MYRIP: variants seen among roughly 807,000 people sequenced by gnomAD.
MYRIP encodes rab effector MyRIP.
MYRIP carries 49 observed loss-of-function variants against 98.0 expected under a neutral mutation model. The ratio of observed to expected loss-of-function variants is 0.50; its 90% CI spans 0.40 to 0.63. The LOEUF (loss-of-function observed/expected upper bound fraction) is 0.63. Among genes scored for constraint, MYRIP ranks in the 30% least tolerant of loss-of-function variants. MYRIP has a pLI of 0.00. For missense variants in MYRIP, 1,004 were observed against 1,058.2 expected, an observed-to-expected ratio of 0.95 and a Z score of 0.71; for synonymous variants, 404 against 409.5, an observed-to-expected ratio of 0.99 and a Z score of 0.16.
At chr3:40,032,609 A>C (rs577701553) in intron 2 of MYRIP, among the ~76,000 whole-genome samples, 59 of 152,198 alleles carry the variant, frequency 3.9e-4, no homozygotes, top group African/African-American at 1.3e-3. Flanking sequence ...AGTCCAGGAC[A>C]AAATGGATTC....
At position 39,932,182 on chromosome 3, in the gene MYRIP, T is replaced by C. The variant is rs368806284; in HGVS notation, c.110+31256T>C. Among the ~76,000 whole-genome samples, 12 of 152,190 alleles carry C rather than the reference T, an allele frequency of 7.9e-5. No homozygotes were observed. In the East Asian group the frequency reaches 2.3e-3, roughly 29 times the overall value. Reference sequence around the variant, plus strand: ...TATCACAAGATAGGACTGTGGTTTCTAGCCCTGGAAGAACCATTCCAAAAC... The same window carrying C: ...TATCACAAGATAGGACTGTGGTTTCCAGCCCTGGAAGAACCATTCCAAAAC... On this transcript the variant is annotated intron_variant, in intron 2 of 16. Coordinates refer to ENST00000302541, the MANE Select transcript of MYRIP (RefSeq NM_015460.4).
At chr3:40,208,956 G>C (rs1261510026) in intron 10 of MYRIP, 1 of 152,190 alleles carries the variant, frequency 6.6e-6, no homozygotes, top group Non-Finnish European at 1.5e-5. Flanking sequence ...TCTTATGTTA[G>C]ATAGCACAGT....
intron 8 of MYRIP, chr3:40,174,793 C>A (rs1950712794): frequency 6.6e-6 from 1 of 152,214 alleles, no homozygotes; most frequent in African/African-American, 2.4e-5. Context: ...TCATAGATAA[C>A]CATTTTTAGC....
chr3:39,842,441 C>A (rs1225068877), intron 1 of MYRIP, among the ~76,000 whole-genome samples: 1 of 152,158 alleles, frequency 6.6e-6, no homozygotes, highest in African/African-American at 2.4e-5. Context: ...GGCTCCCTGG[C>A]TTCAGCCCCC....
At chr3:40,133,029 C>T (rs1949679617) in intron 3 of MYRIP, among the ~76,000 whole-genome samples, 1 of 152,216 alleles carries the variant, frequency 6.6e-6, no homozygotes, top group African/African-American at 2.4e-5. Context: ...GACATGTGGT[C>T]AGAGATCTCT....
intron 3 of MYRIP, among the ~76,000 whole-genome samples, chr3:40,076,620 G>C (rs1389536434): frequency 6.6e-6 from 1 of 152,188 alleles, no homozygotes; most frequent in East Asian, 1.9e-4. Flanking sequence ...ACCACCTTCT[G>C]TACAAAGGGC....
At chr3:40,058,862 C>G (rs978637253) in intron 3 of MYRIP, among the ~76,000 whole-genome samples, 1 of 152,030 alleles carries the variant, frequency 6.6e-6, no homozygotes, top group Non-Finnish European at 1.5e-5. Context: ...TATATATGTG[C>G]CATGGTGGTT....
At chr3:40,038,901 C>T (rs1483034074) in intron 2 of MYRIP, among the ~76,000 whole-genome samples, 1 of 152,078 alleles carries the variant, frequency 6.6e-6, no homozygotes, top group African/African-American at 2.4e-5. Context: ...TAATTTTCCT[C>T]TAACCAGCCA....
intron 10 of MYRIP, among the ~76,000 whole-genome samples, chr3:40,193,860 G>C (rs2679817): frequency 2.0e-5 from 3 of 151,974 alleles, no homozygotes; most frequent in Non-Finnish European, 4.4e-5. Flanking sequence ...CATCCATCCC[G>C]CTAGCCTTGA....
chr3:40,189,990 G>A lies in MYRIP; in HGVS notation c.1192G>A (p.Glu398Lys), dbSNP rs554979025. Residue 398 changes from glutamate (E) to lysine (K), a missense_variant, in exon 10 of 17, where the codon GAG becomes AAG. By Grantham distance (56) the Glu-to-Lys change is moderately conservative. This residue lies in a region of MYRIP where 880 missense variants were observed against 907.7 expected (regional missense o/e 0.97). Transcript: ENST00000302541. ...CTACGATGAGATGGGCTCCGATAGC[G>A]AGGAAGACTTTGACTGGAGTGAGGC... ...SAYDEMGSDS[E>K]EDFDWSEALS... 17 of 1,614,158 alleles carry A rather than the reference G, an allele frequency of 1.1e-5. No homozygotes were observed. The African/African-American group carries it at 1.5e-4, about 14-fold the overall frequency.
chr3:40,033,474 T>C (rs1161717798), intron 2 of MYRIP, among the ~76,000 whole-genome samples: 1 of 152,060 alleles, frequency 6.6e-6, no homozygotes, highest in African/African-American at 2.4e-5. Flanking sequence ...TTCACAGTTG[T>C]TTCAAAGAGA....
At chr3:40,016,315 A>T (rs992697623) in intron 2 of MYRIP, among the ~76,000 whole-genome samples, 9 of 152,134 alleles carry the variant, frequency 5.9e-5, no homozygotes, top group African/African-American at 1.9e-4. Context: ...CTTCACTGCC[A>T]GGTATGCCTA....
In MYRIP at chr3:40,198,347, A is replaced by G. The variant is rs556809917; in HGVS notation, c.1665+7884A>G. Among the ~76,000 whole-genome samples the G allele has an allele frequency of 2.0e-5, 3 of 152,256 alleles. No homozygotes were observed. The South Asian group carries it at 6.2e-4, about 32-fold the overall frequency. ...TGTTTTATGGTGAGCATTTATCTTA[A>G]TATTTCTGGACCAAGATTGGAGGTT... On this transcript the variant is annotated intron_variant, in intron 10 of 16. Transcript: ENST00000302541.
intron 3 of MYRIP, among the ~76,000 whole-genome samples, chr3:40,119,018 T>C (rs914225223): frequency 1.3e-5 from 2 of 152,108 alleles, no homozygotes; most frequent in Non-Finnish European, 2.9e-5. Flanking sequence ...TTTGCTATTA[T>C]GAATAATGCC....
At chr3:39,838,581 C>G (rs1020732340) in intron 1 of MYRIP, among the ~76,000 whole-genome samples, 2 of 151,840 alleles carry the variant, frequency 1.3e-5, no homozygotes, top group Non-Finnish European at 2.9e-5. Context: ...GGTGGATAAG[C>G]CTTTTAATGT....
chr3:40,149,632 G>A (rs975688472), intron 3 of MYRIP, among the ~76,000 whole-genome samples: 2 of 152,032 alleles, frequency 1.3e-5, no homozygotes, highest in African/African-American at 4.8e-5. Flanking sequence ...CCTCATTATT[G>A]TCTACACAAC....
chr3:40,024,674 T>C (rs1188684454), intron 2 of MYRIP, among the ~76,000 whole-genome samples: 1 of 152,118 alleles, frequency 6.6e-6, no homozygotes, highest in African/African-American at 2.4e-5. Flanking sequence ...CCCAGCTTTC[T>C]CGCAGCTGTT....
chr3:39,886,078 C>A (rs531172583), intron 1 of MYRIP, among the ~76,000 whole-genome samples: 2 of 152,012 alleles, frequency 1.3e-5, no homozygotes, highest in Admixed American at 6.6e-5. Flanking sequence ...ATTTCATATC[C>A]AGCCAAACTA....
intron 3 of MYRIP, among the ~76,000 whole-genome samples, chr3:40,099,750 A>G (rs1948906867): frequency 6.6e-6 from 1 of 152,240 alleles, no homozygotes; most frequent in Non-Finnish European, 1.5e-5. Flanking sequence ...AGCAAACCTC[A>G]TAGTCTGTGA....
Sources: gnomAD v4.1 joint callset for allele counts (sites outside exome capture counted in the v4.1 genomes callset) on GRCh38, gnomAD v4.1.1 for gene constraint, gnomAD v4.1.1 regional missense constraint, MANE v1.5 for transcripts, NCBI Gene and HGNC (gene_info 2026-07-23, HGNC 2026-07-21) for gene names.